Variants in KMT2C observed in about 807,000 individuals in gnomAD.
The protein encoded by KMT2C is histone-lysine N-methyltransferase 2C.
KMT2C carries 88 observed loss-of-function variants against 507.9 expected under a neutral mutation model. The observed-to-expected ratio is 0.17, with a 90% CI of 0.15 to 0.21. KMT2C has a LOEUF of 0.21. Ranked by LOEUF, KMT2C falls within the 10% of genes least tolerant of loss-of-function variation. KMT2C has a pLI of 1.00. For synonymous variants in KMT2C, 2,049 were observed against 2,080.8 expected (o/e 0.98, Z 0.42); for missense variants, 4,954 against 5,957.8 (o/e 0.83, Z 5.55).
chr7:152,416,259 G>C (rs1175341878), intron 1 of KMT2C, among the ~76,000 whole-genome samples: 1 of 152,010 alleles, frequency 6.6e-6, no homozygotes, highest in Admixed American at 6.6e-5. Flanking sequence ...AATTAGTCAG[G>C]CGTAGGCCAG....
chr7:152,417,369 C>T (rs764446847), intron 1 of KMT2C, among the ~76,000 whole-genome samples: 3 of 152,116 alleles, frequency 2.0e-5, no homozygotes, highest in Non-Finnish European at 2.9e-5. Context: ...CCATCCACCT[C>T]GGCCTCCCAA....
At chr7:152,418,156 T>C (rs1333013223) in intron 1 of KMT2C, among the ~76,000 whole-genome samples, 1 of 147,718 alleles carries the variant, frequency 6.8e-6, no homozygotes, top group African/African-American at 2.5e-5. Flanking sequence ...GCCAGGCTGG[T>C]GTCAAACTCC....
chr7:152,371,345 T>C (rs1347766899), intron 1 of KMT2C, among the ~76,000 whole-genome samples: 2 of 152,146 alleles, frequency 1.3e-5, no homozygotes, highest in Non-Finnish European at 2.9e-5. Flanking sequence ...AGATGTTTTA[T>C]GTAAGCTTCA....
chr7:152,367,249 AGAG>A (rs2097254945), intron 1 of KMT2C: 1 of 1,404,974 alleles, frequency 7.1e-7, no homozygotes, highest in South Asian at 1.2e-5. Flanking sequence ...CACGGTCATC[AGAG>A]AAGAAGGAAC....
In KMT2C at chr7:152,248,395, T is replaced by C; in HGVS notation, c.2039A>G (p.Glu680Gly). The C allele has an allele frequency of 6.2e-7, 1 of 1,614,128 alleles. No homozygotes were observed. Among genetic ancestry groups the C allele is most frequent in the Non-Finnish European group, 8.5e-7 (1 of 1,180,004 alleles). The change falls in exon 14 of 59, where the codon GAA (glutamate) becomes GGA (glycine). Residue 680 changes from glutamate (E) to glycine (G), a missense_variant. By Grantham distance (98) the Glu-to-Gly change is moderately conservative. Transcript: ENST00000262189. Reference sequence around the variant, plus strand: ...GACTAATTTTGGAGGCCTTGATTCTTCTCTGGATACCACTGTTTCAGGTTC... The same window carrying C: ...GACTAATTTTGGAGGCCTTGATTCTCCTCTGGATACCACTGTTTCAGGTTC... ...LEEPETVVSR[E>G]ESRPPKLVME...
At chr7:152,321,878 T>C (rs1326821372) in intron 3 of KMT2C, among the ~76,000 whole-genome samples, 1 of 151,934 alleles carries the variant, frequency 6.6e-6, no homozygotes, top group African/African-American at 2.4e-5. Context: ...ATGCAATATC[T>C]ATCGAAATTC....
At chr7:152,367,100 AG>A in intron 1 of KMT2C, 4 of 841,354 alleles carry the variant, frequency 4.8e-6, no homozygotes, top group Non-Finnish European at 5.9e-6. Context: ...TATCCAGAGA[AG>A]GAACAGGAAG....
chr7:152,213,306 T>C (rs1188632512), intron 23 of KMT2C, among the ~76,000 whole-genome samples: 1 of 152,198 alleles, frequency 6.6e-6, no homozygotes, highest in East Asian at 1.9e-4. Context: ...CACTACCTGA[T>C]TTCAAGTTAT....
chr7:152,202,857 A>G (rs1446316980), intron 26 of KMT2C, 77 bp downstream of exon 26: 1 of 1,183,926 alleles, frequency 8.4e-7, no homozygotes, highest in East Asian at 2.5e-5. Flanking sequence ...AAAACAACAA[A>G]CCTATGTTTT....
intron 8 of KMT2C, among the ~76,000 whole-genome samples, chr7:152,263,782 A>G (rs2095818710): frequency 1.3e-5 from 2 of 152,192 alleles, no homozygotes; most frequent in African/African-American, 4.8e-5. Context: ...ATCTTTCTCT[A>G]AACACTCTTC....
chr7:152,310,985 C>A (rs1007694637), intron 5 of KMT2C, among the ~76,000 whole-genome samples: 4 of 152,122 alleles, frequency 2.6e-5, no homozygotes, highest in Non-Finnish European at 5.9e-5. Context: ...CCGTGCCCTG[C>A]CAGCAATCTG....
At chr7:152,317,411 C>G (rs910958572) in intron 3 of KMT2C, among the ~76,000 whole-genome samples, 6 of 152,008 alleles carry the variant, frequency 3.9e-5, no homozygotes, top group African/African-American at 1.2e-4. Context: ...CACAACATAA[C>G]CCAACCAGAG....
intron 1 of KMT2C, among the ~76,000 whole-genome samples, chr7:152,401,015 T>G (rs765085596): frequency 1.5e-4 from 22 of 150,844 alleles, no homozygotes; most frequent in Non-Finnish European, 3.0e-4. Context: ...CAAGAAACAA[T>G]ACAAAGAAAT....
In KMT2C at chr7:152,286,856, AC is replaced by A. The variant is rs543968737; in HGVS notation, c.850-12990del. Among the ~76,000 whole-genome samples the A allele has an allele frequency of 2.0e-4, 31 of 152,348 alleles. No homozygotes were observed. The South Asian group carries it at 6.4e-3, about 32-fold the overall frequency. ...CAGAAACACCAACAGGCACACACAT[AC>A]GTAAAACTCCAAGAAAATTCTGCTG... On this transcript the variant is annotated intron_variant, in intron 6 of 58. Transcript: ENST00000262189.
intron 2 of KMT2C, among the ~76,000 whole-genome samples, chr7:152,347,189 AC>A (rs1474380493): frequency 2.0e-5 from 3 of 152,222 alleles, no homozygotes; most frequent in African/African-American, 7.2e-5. Context: ...ATTTACTGAT[AC>A]CATAAGTTTA....
In KMT2C at chr7:152,315,325, C is replaced by G. The variant is rs2096712267; in HGVS notation, c.403G>C (p.Ala135Pro). ...VEAKISEQLC[A>P]FCYCGEKSSL... ...CTTTTTTCCCCACAGTAACAAAAAGCGCAGAGCTGTTCACTAGTAAAAATG... is the reference window on the plus strand; with the variant it reads ...CTTTTTTCCCCACAGTAACAAAAAGGGCAGAGCTGTTCACTAGTAAAAATG... The change falls in exon 4 of 59, where the codon GCT (alanine) becomes CCT (proline). Residue 135 changes from alanine to proline, a missense_variant. Physicochemically the swap from Ala to Pro is conservative, Grantham distance 27. Transcript: ENST00000262189. 1 of 1,613,442 alleles carries G rather than the reference C, an allele frequency of 6.2e-7. No homozygotes were observed. The highest frequency in any genetic ancestry group is 8.5e-7 in the Non-Finnish European group (1 of 1,179,536).
intron 7 of KMT2C, among the ~76,000 whole-genome samples, chr7:152,272,049 C>T (rs932108840): frequency 6.6e-5 from 10 of 151,966 alleles, no homozygotes; most frequent in African/African-American, 2.2e-4. Context: ...TTTTCCATTG[C>T]CAAATTTCCT....
At chr7:152,384,107 GC>G (rs1432946265) in intron 1 of KMT2C, among the ~76,000 whole-genome samples, 8 of 152,006 alleles carry the variant, frequency 5.3e-5, no homozygotes, top group Non-Finnish European at 1.2e-4. Context: ...CAGGAGTAAT[GC>G]CAAGAATGAG....
At chr7:152,377,809 T>C (rs2097341234) in intron 1 of KMT2C, among the ~76,000 whole-genome samples, 1 of 151,766 alleles carries the variant, frequency 6.6e-6, no homozygotes, top group Non-Finnish European at 1.5e-5. Context: ...TGGAAAGGAT[T>C]CACCACCGTA....
Sources: allele counts gnomAD v4.1 joint callset (sites outside exome capture counted in the v4.1 genomes callset), GRCh38; gene constraint gnomAD v4.1.1; transcripts MANE v1.5; gene names NCBI Gene and HGNC (gene_info 2026-07-23, HGNC 2026-07-21).